The following SSBP3 variants were observed in gnomAD, a reference collection of about 807,000 sequenced individuals.
The protein encoded by SSBP3 is single stranded DNA binding protein 3.
In SSBP3, 5 loss-of-function variants were observed where a neutral mutation model predicts 69.6. The ratio of observed to expected loss-of-function variants is 0.07; its 90% CI spans 0.04 to 0.15. The LOEUF is 0.15. SSBP3 is among the 10% of genes least tolerant of loss of function. The pLI, the probability that SSBP3 is intolerant of heterozygous loss-of-function variation, is 1.00. For missense variants in SSBP3, 312 were observed against 534.0 expected (o/e 0.58, Z 4.10); for synonymous variants, 196 against 193.4 (o/e 1.01, Z -0.11).
chr1:54,253,650 G>C (rs1262590693), intron 7 of SSBP3, among the ~76,000 whole-genome samples: 1 of 152,176 alleles, frequency 6.6e-6, no homozygotes, highest in East Asian at 1.9e-4. Context: ...TGGCTGGTTT[G>C]CGTCTGCCCA....
chr1:54,370,270 G>A (rs912439696), intron 4 of SSBP3, among the ~76,000 whole-genome samples: 1 of 152,106 alleles, frequency 6.6e-6, no homozygotes, highest in Non-Finnish European at 1.5e-5. Context: ...AAATCCAAAC[G>A]ACCAGGAAAC....
At chr1:54,229,498 G>C (rs1644345332) in intron 14 of SSBP3, among the ~76,000 whole-genome samples, 1 of 152,244 alleles carries the variant, frequency 6.6e-6, no homozygotes, top group Non-Finnish European at 1.5e-5. Flanking sequence ...GGCACCCTGG[G>C]ACTGTGGGGT....
intron 3 of SSBP3, among the ~76,000 whole-genome samples, chr1:54,403,533 C>A (rs1649457127): frequency 6.6e-6 from 1 of 152,180 alleles, no homozygotes; most frequent in Non-Finnish European, 1.5e-5. Context: ...ACAAATGCCT[C>A]CAAGACCGGC....
At chr1:54,306,765 C>T (rs558919498) in intron 4 of SSBP3, among the ~76,000 whole-genome samples, 7 of 152,180 alleles carry the variant, frequency 4.6e-5, no homozygotes, top group East Asian at 1.9e-4. Flanking sequence ...GAGTTCGAAA[C>T]GAACCTGGGC....
chr1:54,353,042 G>A (rs1036080299), intron 4 of SSBP3, among the ~76,000 whole-genome samples: 7 of 152,116 alleles, frequency 4.6e-5, no homozygotes, highest in African/African-American at 7.2e-5. Context: ...ACCGGACAGC[G>A]CCGTGTCCTC....
At chr1:54,368,723 A>C (rs1163520526) in intron 4 of SSBP3, among the ~76,000 whole-genome samples, 1 of 152,176 alleles carries the variant, frequency 6.6e-6, no homozygotes, top group African/African-American at 2.4e-5. Context: ...AGAGCTGGCT[A>C]TAGACCCTTT....
At chr1:54,289,052 A>C (rs1200266357) in intron 4 of SSBP3, among the ~76,000 whole-genome samples, 2 of 127,706 alleles carry the variant, frequency 1.6e-5, no homozygotes, top group African/African-American at 6.3e-5. Flanking sequence ...AAACAAAAAA[A>C]AAAAACAGTA....
intron 4 of SSBP3, among the ~76,000 whole-genome samples, chr1:54,371,869 G>A (rs977069674): frequency 6.6e-6 from 1 of 152,070 alleles, no homozygotes; most frequent in African/African-American, 2.4e-5. Context: ...CCACCACCTG[G>A]TACAGGAACC....
At chr1:54,392,653 C>G (rs1487823398) in intron 4 of SSBP3, among the ~76,000 whole-genome samples, 2 of 152,216 alleles carry the variant, frequency 1.3e-5, no homozygotes, top group African/African-American at 4.8e-5. Flanking sequence ...GTACTTAGCA[C>G]AGTTGATGCC....
At position 54,310,708 on chromosome 1, in the gene SSBP3, G is replaced by A. The variant is rs373713052; in HGVS notation, c.277-29181C>T. ...CTAAGTGGAATAGTGGGGCTGGGTG[G>A]GTGGGCCTAGAGAGTTCCAACTCTG... On this transcript the variant is annotated intron_variant, in intron 4 of 17. Coordinates refer to ENST00000610401, the Ensembl canonical transcript of SSBP3. Among the ~76,000 whole-genome samples the A allele has an allele frequency of 1.1e-3, 161 of 152,114 alleles. 3 individuals are homozygous for A. In the South Asian group the frequency reaches 0.026, roughly 25 times the overall value.
chr1:54,401,920 C>A (rs1649331859), exon 4 of SSBP3: 1 of 1,613,964 alleles, frequency 6.2e-7, no homozygotes, highest in African/African-American at 1.3e-5. Context: ...CTTTCAGGAG[C>A]TGCACAGTAA....
At chr1:54,262,664 TCCCA>T (rs2100774009) in intron 5 of SSBP3, among the ~76,000 whole-genome samples, 1 of 152,320 alleles carries the variant, frequency 6.6e-6, no homozygotes, top group Non-Finnish European at 1.5e-5. Flanking sequence ...TCCCTCTCAC[TCCCA>T]GACAGGTAAA....
rs72665960 is a variant in SSBP3 at position 54,389,889 on chromosome 1, A to T, written c.276+11972T>A. On this transcript the variant is annotated intron_variant, in intron 4 of 17. Transcript: ENST00000610401. ...GCAAGACCCTGTCTCAAAAAAAAAA[A>T]TTTTTTTTTTTTAAATTAAGAAGAC... is the stretch of plus-strand genomic sequence containing the variant. Among the ~76,000 whole-genome samples the T allele has an allele frequency of 1.9e-3, 272 of 143,702 alleles. 1 individual carries two copies. The highest frequency in any genetic ancestry group is 5.0e-3 in the African/African-American group (200 of 40,360). The allele number at this position is 143,702 out of a possible 152,430, so 94.3% of individuals were successfully genotyped here. A position where few individuals can be genotyped will look rare whatever the true frequency, so the allele number is the denominator to read the frequency against.
intron 5 of SSBP3, among the ~76,000 whole-genome samples, chr1:54,259,421 A>G (rs1336525011): frequency 3.3e-5 from 5 of 152,214 alleles, no homozygotes; most frequent in Non-Finnish European, 7.3e-5. Flanking sequence ...CATGGGTCAC[A>G]GTCAGTAAGC....
chr1:54,252,675 C>T (rs969985060), intron 7 of SSBP3, among the ~76,000 whole-genome samples: 1 of 152,246 alleles, frequency 6.6e-6, no homozygotes, highest in African/African-American at 2.4e-5. Context: ...TGGGTGAACA[C>T]TTGCCCCACC....
At chr1:54,238,612 T>C (rs938670958) in intron 14 of SSBP3, 1 of 329,550 alleles carries the variant, frequency 3.0e-6, no homozygotes, top group Admixed American at 4.2e-5. Flanking sequence ...AGCTGCAACA[T>C]CACCCAAGGG....
At chr1:54,382,831 C>G (rs774238825) in intron 4 of SSBP3, among the ~76,000 whole-genome samples, 9 of 151,616 alleles carry the variant, frequency 5.9e-5, no homozygotes, top group Non-Finnish European at 7.4e-5. Context: ...ACTAAAAATA[C>G]AAAATTAGCT....
At chr1:54,275,210 C>T (rs916983152) in intron 5 of SSBP3, among the ~76,000 whole-genome samples, 2 of 152,338 alleles carry the variant, frequency 1.3e-5, no homozygotes, top group African/African-American at 2.4e-5. Context: ...CAAGCAAGCC[C>T]GTCCGGGTCT....
intron 17 of SSBP3, 55 bp downstream of exon 17, chr1:54,228,200 G>C: frequency 6.5e-7 from 1 of 1,534,352 alleles, no homozygotes; most frequent in Non-Finnish European, 9.0e-7. Context: ...CAACTTGTTA[G>C]GAAAGAGTCC....
Sources: allele counts gnomAD v4.1 joint callset (sites outside exome capture counted in the v4.1 genomes callset), GRCh38; gene constraint gnomAD v4.1.1; transcripts MANE v1.5; gene names NCBI Gene and HGNC (gene_info 2026-07-23, HGNC 2026-07-21).